Variants in ARPC1A observed in about 807,000 individuals in gnomAD.
The protein encoded by ARPC1A is actin-related protein 2/3 complex subunit 1A.
A neutral mutation model predicts 46.9 loss-of-function variants in ARPC1A; 8 were observed. That is an observed-to-expected ratio of 0.17 (90% CI 0.10 to 0.31). The LOEUF (loss-of-function observed/expected upper bound fraction) is 0.31. ARPC1A is among the 10% of genes least tolerant of loss of function. The pLI is 1.00. For synonymous variants in ARPC1A, 152 were observed against 169.0 expected (o/e 0.90, Z 0.78); for missense variants, 286 against 483.6 (o/e 0.59, Z 3.83).
intron 1 of ARPC1A, among the ~76,000 whole-genome samples, chr7:99,329,863 G>T (rs1318900151): frequency 6.6e-6 from 1 of 152,106 alleles, no homozygotes; most frequent in African/African-American, 2.4e-5. Flanking sequence ...TTTCTGATTT[G>T]CAGACCGATT....
chr7:99,359,826 A>G (rs535033228), intron 8 of ARPC1A, 88 bp downstream of exon 8: 14 of 1,439,356 alleles, frequency 9.7e-6, no homozygotes, highest in Admixed American at 9.4e-5. Context: ...CAAAAGCTCT[A>G]TGCCCCTCAG....
chr7:99,361,421 CACTGT>C, intron 8 of ARPC1A, among the ~76,000 whole-genome samples: 1 of 149,928 alleles, frequency 6.7e-6, no homozygotes, highest in African/African-American at 2.4e-5. Flanking sequence ...GTGATTGTGC[CACTGT>C]ACTTCAGCCT....
chr7:99,329,275 T>C (rs981592071), intron 1 of ARPC1A, among the ~76,000 whole-genome samples: 8 of 147,336 alleles, frequency 5.4e-5, no homozygotes, highest in African/African-American at 2.0e-4. Context: ...TACTCCAGCC[T>C]GGGCGACAGA....
intron 1 of ARPC1A, among the ~76,000 whole-genome samples, chr7:99,326,896 C>A (rs1054005457): frequency 3.3e-5 from 5 of 152,206 alleles, no homozygotes; most frequent in African/African-American, 1.2e-4. Context: ...TTTCTAGCCC[C>A]ATCCCGGTAT....
chr7:99,341,967 G>C (rs1216347181), intron 3 of ARPC1A, among the ~76,000 whole-genome samples: 1 of 152,170 alleles, frequency 6.6e-6, no homozygotes, highest in Non-Finnish European at 1.5e-5. Context: ...ACAAAGAAAA[G>C]AAGTGTGGCA....
chr7:99,356,495 CT>C (rs202097864), intron 6 of ARPC1A, among the ~76,000 whole-genome samples: 3,632 of 151,792 alleles, frequency 0.024, 57 homozygotes, highest in South Asian at 0.041. Flanking sequence ...ATCCCAGCTA[CT>C]CAGGAGGCTG....
chr7:99,344,654 C>T lies in ARPC1A; in HGVS notation c.392+139C>T, dbSNP rs73709646. On this transcript the variant is annotated intron_variant, in intron 4 of 9. Coordinates refer to ENST00000262942, the MANE Select transcript of ARPC1A (RefSeq NM_006409.4). ...TCTGAAATTCTCGATTCTGTCTGAG[C>T]ATTTTCCCTTCTCATGTGCATGTTA... 2,280 of 894,510 alleles carry T rather than the reference C, an allele frequency of 2.5e-3. 36 individuals are homozygous for T. In the African/African-American group the frequency reaches 0.035, roughly 14 times the overall value. The allele number at this position is 894,510 out of a possible 1,614,324, so 55.4% of individuals were successfully genotyped here. A position where few individuals can be genotyped will look rare whatever the true frequency, so the allele number is the denominator to read the frequency against.
intron 8 of ARPC1A, 174 bp from the exon 9 acceptor site, chr7:99,363,369 C>A (rs1022646786): frequency 3.4e-6 from 2 of 581,414 alleles, no homozygotes; most frequent in African/African-American, 1.9e-5. Context: ...CACTTGAGCC[C>A]AGGAGTTCAA....
chr7:99,356,220 G>A (rs1047784592), intron 6 of ARPC1A, among the ~76,000 whole-genome samples: 1 of 152,164 alleles, frequency 6.6e-6, no homozygotes, highest in African/African-American at 2.4e-5. Context: ...GAGTCACCCA[G>A]TGTAAACAGC....
At chr7:99,341,609 C>CAAACAA (rs1491498500) in intron 3 of ARPC1A, among the ~76,000 whole-genome samples, 3 of 87,356 alleles carry the variant, frequency 3.4e-5, no homozygotes, top group African/African-American at 6.4e-5. Context: ...AACTCTGTCT[C>CAAACAA]AAAAAAAAAA....
intron 6 of ARPC1A, 143 bp downstream of exon 6, chr7:99,354,264 T>C: frequency 1.0e-6 from 1 of 954,522 alleles, no homozygotes; most frequent in South Asian, 1.8e-5. Context: ...GGCTCACGCC[T>C]GTAATCCCAG....
chr7:99,350,081 G>C (rs2150868707), intron 5 of ARPC1A, among the ~76,000 whole-genome samples: 1 of 152,298 alleles, frequency 6.6e-6, no homozygotes, highest in South Asian at 2.1e-4. Context: ...CAAGCATGGT[G>C]ATTAAAAGAA....
In ARPC1A at chr7:99,361,917, T is replaced by C. The variant is rs546111407; in HGVS notation, c.984-1626T>C. Among the ~76,000 whole-genome samples, 9 of 152,348 alleles carry C rather than the reference T, an allele frequency of 5.9e-5. No individual in the cohort carries two copies. The South Asian group carries it at 1.4e-3, about 25-fold the overall frequency. Reference sequence around the variant, plus strand: ...AGGTGGCTGTGTTCCCGTCAAACTTTATGGACACTCAAATTTGAATTTCAT... The same window carrying C: ...AGGTGGCTGTGTTCCCGTCAAACTTCATGGACACTCAAATTTGAATTTCAT... On this transcript the variant is annotated intron_variant, in intron 8 of 9. Coordinates refer to ENST00000262942, the MANE Select transcript of ARPC1A (RefSeq NM_006409.4).
At chr7:99,330,821 T>C (rs1193362591) in intron 1 of ARPC1A, among the ~76,000 whole-genome samples, 3 of 152,212 alleles carry the variant, frequency 2.0e-5, no homozygotes, top group Non-Finnish European at 4.4e-5. Context: ...CTTGAGTTTA[T>C]TGTGAGGGTG....
rs189890881 is a variant in ARPC1A at position 99,353,189 on chromosome 7, C to T, written c.501-720C>T. The stretch of plus-strand genomic sequence containing the variant: ...TTATGTTATTTTAGAGACGGTGTCT[C>T]GCTCTGTTGCCCAGCCTGGAGTGCA... On this transcript the variant is annotated intron_variant, in intron 5 of 9. Transcript: ENST00000262942. 6.0e-3 allele frequency among the ~76,000 whole-genome samples: 906 copies of T among 151,328 alleles called. 10 individuals are homozygous for T. Among genetic ancestry groups the T allele is most frequent in the African/African-American group, 0.021 (860 of 41,382 alleles).
intron 2 of ARPC1A, among the ~76,000 whole-genome samples, chr7:99,336,140 C>G (rs1159201619): frequency 6.6e-6 from 1 of 152,142 alleles, no homozygotes; most frequent in Non-Finnish European, 1.5e-5. Context: ...ATTTTTAATA[C>G]AGATGCAAGC....
At chr7:99,331,678 G>A (rs187698621) in intron 1 of ARPC1A, among the ~76,000 whole-genome samples, 271 of 152,284 alleles carry the variant, frequency 1.8e-3, no homozygotes, top group African/African-American at 6.3e-3. Flanking sequence ...CAGCACTTTG[G>A]GAGGCTGAGG....
intron 4 of ARPC1A, among the ~76,000 whole-genome samples, chr7:99,346,216 CA>C (rs34608892): frequency 0.17 from 16,051 of 96,704 alleles, 996 homozygotes; most frequent in Non-Finnish European, 0.21. Flanking sequence ...AACTCCGTCT[CA>C]AAAAAAAAAA....
intron 4 of ARPC1A, among the ~76,000 whole-genome samples, chr7:99,346,580 T>C (rs1352030233): frequency 6.6e-6 from 1 of 152,226 alleles, no homozygotes; most frequent in Non-Finnish European, 1.5e-5. Context: ...TGTAGAACAA[T>C]TATTTCATAT....
Sources: allele counts gnomAD v4.1 joint callset (sites outside exome capture counted in the v4.1 genomes callset), GRCh38; gene constraint gnomAD v4.1.1; transcripts MANE v1.5; gene names NCBI Gene and HGNC (gene_info 2026-07-23, HGNC 2026-07-21).